The following ARSB variants were observed in gnomAD, a reference collection of about 807,000 sequenced individuals.
ARSB encodes arylsulfatase B, also known as N-acetylgalactosamine-4-sulfatase.
ARSB carries 41 observed loss-of-function variants against 50.9 expected under a neutral mutation model. That is an observed-to-expected ratio of 0.81 (90% confidence interval 0.63 to 1.04). ARSB has a LOEUF of 1.04. Among genes scored for constraint, ARSB ranks in the 50% least tolerant of loss-of-function variants. The probability of loss-of-function intolerance (pLI) is 0.00; values close to 1 mark genes in which losing one functional copy is unlikely to be tolerated. For synonymous variants in ARSB, 269 were observed against 284.8 expected, an observed-to-expected ratio of 0.94 and a Z score of 0.56; for missense variants, 672 against 693.3, an observed-to-expected ratio of 0.97 and a Z score of 0.35.
chr5:78,940,644 A>G (rs1364190819), intron 4 of ARSB, among the ~76,000 whole-genome samples: 1 of 152,148 alleles, frequency 6.6e-6, no homozygotes, highest in African/African-American at 2.4e-5. Flanking sequence ...ATTGGTCTAT[A>G]TCTCTGTTTT....
chr5:78,908,946 CT>C (rs1749186029), intron 4 of ARSB, among the ~76,000 whole-genome samples: 1 of 152,166 alleles, frequency 6.6e-6, no homozygotes, highest in Non-Finnish European at 1.5e-5. Flanking sequence ...TTAAATAAAA[CT>C]ATGTGCTGCC....
intron 5 of ARSB, among the ~76,000 whole-genome samples, chr5:78,867,247 G>T (rs1410717858): frequency 4.6e-5 from 7 of 152,138 alleles, no homozygotes; most frequent in Admixed American, 6.5e-5. Context: ...GGGGAGAGGC[G>T]CCCGCCATTG....
chr5:78,834,607 G>GTATGTATATATA (rs1554073637), intron 6 of ARSB, among the ~76,000 whole-genome samples: 3 of 85,602 alleles, frequency 3.5e-5, no homozygotes, highest in African/African-American at 1.2e-4. Context: ...ATATATATGT[G>GTATGTATATATA]TATATATATA....
intron 4 of ARSB, among the ~76,000 whole-genome samples, chr5:78,922,405 C>T (rs1749859854): frequency 6.6e-6 from 1 of 151,992 alleles, no homozygotes; most frequent in Non-Finnish European, 1.5e-5. Flanking sequence ...GTCCCCATTC[C>T]AGGCCCTACC....
chr5:78,887,372 G>A (rs1748088122), intron 4 of ARSB, among the ~76,000 whole-genome samples: 2 of 152,040 alleles, frequency 1.3e-5, no homozygotes, highest in Non-Finnish European at 2.9e-5. Flanking sequence ...TTGAGAACTC[G>A]ATCCTGGGAG....
At chr5:78,853,737 G>GT (rs766276296) in intron 5 of ARSB, among the ~76,000 whole-genome samples, 8 of 152,206 alleles carry the variant, frequency 5.3e-5, no homozygotes, top group Non-Finnish European at 1.0e-4. Flanking sequence ...TGGCTGCTTT[G>GT]TTTACCTAAG....
chr5:78,984,705 G>A (rs541865408), intron 1 of ARSB, among the ~76,000 whole-genome samples: 141 of 152,170 alleles, frequency 9.3e-4, no homozygotes, highest in African/African-American at 3.3e-3. Context: ...CGCCCAACCC[G>A]GCGGCCGGGG....
In ARSB at chr5:78,836,182, C is replaced by T. The variant is rs79437745; in HGVS notation, c.1213+3174G>A. Among the ~76,000 whole-genome samples the T allele has an allele frequency of 4.1e-3, 618 of 152,330 alleles. 5 individuals are homozygous for T. Among genetic ancestry groups the T allele is most frequent in the Non-Finnish European group, 7.0e-3 (479 of 68,028 alleles). On this transcript the variant is annotated intron_variant, in intron 6 of 7. Coordinates refer to ENST00000264914, the MANE Select transcript of ARSB (RefSeq NM_000046.5). ...CCAAAGACAGCTCTTCTTGTTTCTTCTTCTGCCTCTCAGTAGAGTGAAGTG... is the reference window on the plus strand; with the variant it reads ...CCAAAGACAGCTCTTCTTGTTTCTTTTTCTGCCTCTCAGTAGAGTGAAGTG...
chr5:78,966,993 G>A (rs1235781907), intron 2 of ARSB, among the ~76,000 whole-genome samples: 1 of 151,462 alleles, frequency 6.6e-6, no homozygotes, highest in Non-Finnish European at 1.5e-5. Context: ...TGAGAGTGGG[G>A]CACACACACC....
At chr5:78,944,742 G>A (rs1323214977) in intron 4 of ARSB, among the ~76,000 whole-genome samples, 1 of 152,224 alleles carries the variant, frequency 6.6e-6, no homozygotes, top group African/African-American at 2.4e-5. Context: ...CACTTGAGGA[G>A]GCAGTCTGTC....
chr5:78,817,704 G>A (rs1744053208), intron 6 of ARSB, among the ~76,000 whole-genome samples: 1 of 151,962 alleles, frequency 6.6e-6, no homozygotes, highest in South Asian at 2.1e-4. Flanking sequence ...AGCTACTCAG[G>A]AGGCTGAGGC....
chr5:78,895,802 AGGT>A (rs1413182801), intron 4 of ARSB, among the ~76,000 whole-genome samples: 1 of 152,210 alleles, frequency 6.6e-6, no homozygotes, highest in Admixed American at 6.5e-5. Flanking sequence ...GATAGTCAGC[AGGT>A]GGATGAGCTA....
chr5:78,795,398 C>T (rs1743141595), intron 6 of ARSB, among the ~76,000 whole-genome samples: 1 of 152,134 alleles, frequency 6.6e-6, no homozygotes, highest in African/African-American at 2.4e-5. Flanking sequence ...GCCACACCAG[C>T]TTTGGGGAGG....
At chr5:78,931,723 C>T (rs374455848) in intron 4 of ARSB, among the ~76,000 whole-genome samples, 62 of 151,924 alleles carry the variant, frequency 4.1e-4, no homozygotes, top group African/African-American at 1.5e-3. Flanking sequence ...TATAGTTTGT[C>T]CTATGCTGAT....
At chr5:78,920,935 C>T (rs1413262335) in intron 4 of ARSB, among the ~76,000 whole-genome samples, 1 of 152,132 alleles carries the variant, frequency 6.6e-6, no homozygotes, top group East Asian at 1.9e-4. Flanking sequence ...TACTTGATTA[C>T]AGGGATTTAC....
Position 78,969,108 on chromosome 5 carries a change from G to A in ARSB, c.397C>T (p.Leu133=). Residue 133 remains leucine (L), a synonymous_variant, in exon 2 of 8, where the codon CTA becomes TTA. Coordinates refer to ENST00000264914, the MANE Select transcript of ARSB (RefSeq NM_000046.5). ...PLDEKLLPQL[L]KEAGYTTHMV... ...TGGGTAGTATAACCTGCTTCTTTTAGGAGCTGGGGCAGGAGTTTTTCATCC... is the reference window on the plus strand; with the variant it reads ...TGGGTAGTATAACCTGCTTCTTTTAAGAGCTGGGGCAGGAGTTTTTCATCC... 1 of 1,614,194 alleles carries A rather than the reference G, an allele frequency of 6.2e-7. No individual in the cohort carries two copies. Among genetic ancestry groups the A allele is most frequent in the Non-Finnish European group, 8.5e-7 (1 of 1,180,034 alleles).
intron 4 of ARSB, among the ~76,000 whole-genome samples, chr5:78,889,884 T>C (rs1748203733): frequency 6.6e-6 from 1 of 152,152 alleles, no homozygotes; most frequent in African/African-American, 2.4e-5. Flanking sequence ...CAGCTGGGGC[T>C]TACCCTAGTC....
chr5:78,804,870 T>C (rs1396531668), intron 6 of ARSB, among the ~76,000 whole-genome samples: 1 of 152,224 alleles, frequency 6.6e-6, no homozygotes, highest in African/African-American at 2.4e-5. Flanking sequence ...GCAAGTCTCC[T>C]GTAAAATCAA....
intron 5 of ARSB, among the ~76,000 whole-genome samples, chr5:78,862,447 C>T (rs1380019203): frequency 1.3e-5 from 2 of 152,228 alleles, no homozygotes; most frequent in East Asian, 1.9e-4. Flanking sequence ...ACAGAGCCCT[C>T]AGAAATACAA....
Sources: gnomAD v4.1 joint callset for allele counts (sites outside exome capture counted in the v4.1 genomes callset) on GRCh38, gnomAD v4.1.1 for gene constraint, MANE v1.5 for transcripts, NCBI Gene and HGNC (gene_info 2026-07-23, HGNC 2026-07-21) for gene names.